The following TECTA variants were observed in gnomAD, a reference collection of about 807,000 sequenced individuals.
TECTA encodes alpha-tectorin.
In TECTA, 128 loss-of-function variants were observed where a neutral mutation model predicts 216.8. That is an observed-to-expected ratio of 0.59 (90% confidence interval 0.51 to 0.68). The LOEUF (loss-of-function observed/expected upper bound fraction) is 0.68. TECTA is among the 30% of genes least tolerant of loss of function. The probability of loss-of-function intolerance (pLI) is 0.00; values close to 1 mark genes in which losing one functional copy is unlikely to be tolerated. For missense variants in TECTA, 2,551 were observed against 2,786.2 expected (o/e 0.92, Z 1.90); for synonymous variants, 1,089 against 1,117.1 (o/e 0.97, Z 0.50).
At chr11:121,189,288 T>C (rs1947317960) in intron 22 of TECTA, 121 bp downstream of exon 22, 3 of 896,826 alleles carry the variant, frequency 3.3e-6, no homozygotes, top group Non-Finnish European at 1.8e-6. Flanking sequence ...GGACACCGGT[T>C]TGAGAACATC....
chr11:121,181,563 G>A (rs11501154), intron 20 of TECTA, among the ~76,000 whole-genome samples: 139 of 152,102 alleles, frequency 9.1e-4, no homozygotes, highest in Middle Eastern at 3.4e-3. Context: ...TCTGCCTCCC[G>A]GGTTCAAGTG....
chr11:121,134,353 A>ACACACACACACACACG (rs1356275129), intron 10 of TECTA, among the ~76,000 whole-genome samples: 2 of 152,074 alleles, frequency 1.3e-5, no homozygotes, highest in African/African-American at 4.8e-5. Flanking sequence ...ACACACGCAC[A>ACACACACACACACACG]CACTTCTTTT....
intron 7 of TECTA, among the ~76,000 whole-genome samples, chr11:121,118,993 GCACA>G (rs3222344): frequency 3.6e-5 from 2 of 56,018 alleles, no homozygotes; most frequent in South Asian, 6.1e-4. Flanking sequence ...ACACTGATAG[GCACA>G]CACACACACA....
chr11:121,106,591 G>A (rs182686428), intron 3 of TECTA, among the ~76,000 whole-genome samples: 35 of 152,220 alleles, frequency 2.3e-4, no homozygotes, highest in Admixed American at 1.5e-3. Context: ...TGCTGCTAGC[G>A]AAACTGTGGC....
Position 121,137,671 on chromosome 11 carries a change from T to A in TECTA, c.3192T>A (p.Ser1064Arg). 4 of 1,614,004 alleles carry A rather than the reference T, an allele frequency of 2.5e-6. No homozygotes were observed. The highest frequency in any genetic ancestry group is 3.4e-6 in the Non-Finnish European group (4 of 1,180,008). Residue 1064 changes from serine to arginine, a missense_variant, in exon 11 of 24, where the codon AGT (serine) becomes AGA (arginine). Physicochemically the swap from Ser to Arg is moderately radical, Grantham distance 110. This residue lies in a region of TECTA where 2,375 missense variants were observed against 2,563.9 expected (regional missense o/e 0.93). Coordinates refer to ENST00000392793, the MANE Select transcript of TECTA (RefSeq NM_005422.4). ...ACTGCCAGATCTTCTGCTATTGCAG[T>A]GGCACAGACAACAGGGTCCACTGCG... The part of the protein sequence containing the change: ...DLDCQIFCYC[S>R]GTDNRVHCET...
At position 121,102,566 on chromosome 11, in the gene TECTA, G is replaced by A. The variant is rs182366284; in HGVS notation, c.-1-99G>A. On this transcript the variant is annotated intron_variant, in intron 1 of 23. Transcript: ENST00000392793. ...TTGTTATGTGAATTTGTTCTATGAC[G>A]GTTTTGATGGTCTTGGGATTAGCCA... The A allele has an allele frequency of 2.5e-5, 22 of 887,270 alleles. 1 individual carries two copies. Among genetic ancestry groups the A allele is most frequent in the African/African-American group, 9.9e-5 (6 of 60,568 alleles). The allele number at this position is 887,270 out of a possible 1,614,324, so 55.0% of individuals were successfully genotyped here. A position where few individuals can be genotyped will look rare whatever the true frequency, so the allele number is the denominator to read the frequency against.
At chr11:121,102,837 C>A in intron 2 of TECTA, 108 bp downstream of exon 2, 2 of 904,472 alleles carry the variant, frequency 2.2e-6, no homozygotes, top group Admixed American at 2.0e-5. Flanking sequence ...TGTGTGTCTA[C>A]AGATACAAGA....
At chr11:121,190,453 T>C (rs1331647699) in intron 23 of TECTA, among the ~76,000 whole-genome samples, 1 of 152,130 alleles carries the variant, frequency 6.6e-6, no homozygotes, top group African/African-American at 2.4e-5. Context: ...TTAGTAGAGA[T>C]GGGGTTTCAC....
At position 121,190,782 on chromosome 11, in the gene TECTA, C is replaced by A. The variant is rs752301844; in HGVS notation, c.6444C>A (p.Val2148=). ...IMIQISLWHF[V]YKSGTTS ...TCCAGATTTCATTATGGCATTTTGT[C>A]TATAAATCAGGCACGACCTCATAAT... The change falls in exon 24 of 24, where the codon GTC becomes GTA. Residue 2148 remains valine, a synonymous_variant. Coordinates refer to ENST00000392793, the MANE Select transcript of TECTA (RefSeq NM_005422.4). The A allele has an allele frequency of 1.5e-5, 24 of 1,613,308 alleles. No homozygotes were observed. Among genetic ancestry groups the A allele is most frequent in the Non-Finnish European group, 1.9e-5 (23 of 1,179,682 alleles).
At chr11:121,112,790 G>A (rs1284115905) in intron 4 of TECTA, among the ~76,000 whole-genome samples, 1 of 152,346 alleles carries the variant, frequency 6.6e-6, no homozygotes, top group South Asian at 2.1e-4. Flanking sequence ...CCGGGCCTCT[G>A]AATTTTCTGT....
At chr11:121,178,516 T>TAGTGTGTG (rs1947192431) in intron 20 of TECTA, among the ~76,000 whole-genome samples, 2 of 59,990 alleles carry the variant, frequency 3.3e-5, no homozygotes, top group African/African-American at 1.3e-4. Flanking sequence ...GGCTTGTAGT[T>TAGTGTGTG]AGTGTGTGTG....
chr11:121,130,200 A>G lies in TECTA; in HGVS notation c.2930A>G (p.Tyr977Cys). 4 of 1,600,492 alleles carry G rather than the reference A, an allele frequency of 2.5e-6. No homozygotes were observed. The highest frequency in any genetic ancestry group is 1.1e-5 in the South Asian group (1 of 91,062). ...GTGGAGGTGGGGCCCTGGCGGACCT[A>G]TGACTTCTGCCGTAAGTTGGGGTTG... ...ADVEVGPWRT[Y>C]DFCPLECPEN... Residue 977 changes from tyrosine (Y) to cysteine (C), a missense_variant, in exon 10 of 24, where the codon TAT becomes TGT. By Grantham distance (194) the Tyr-to-Cys change is radical. Transcript: ENST00000392793.
At chr11:121,137,351 C>G (rs1230059551) in intron 10 of TECTA, 70 bp from the exon 11 acceptor site, 9 of 1,591,932 alleles carry the variant, frequency 5.7e-6, no homozygotes, top group Middle Eastern at 1.7e-4. Flanking sequence ...TACACACATG[C>G]ATGCACGCAC....
Position 121,157,872 on chromosome 11 carries a change from C to T in TECTA, c.4337C>T (p.Thr1446Met). The T allele has an allele frequency of 6.2e-7, 1 of 1,614,220 alleles. No homozygotes were observed. Among genetic ancestry groups the T allele is most frequent in the Non-Finnish European group, 8.5e-7 (1 of 1,180,046 alleles). ...PKQLFWNSDC[T>M]RRCRCFRRNV... ...CAGCTATTTTGGAACAGCGACTGCA[C>T]GCGGCGCTGCCGCTGTTTCCGTCGC... The change falls in exon 14 of 24, where the codon ACG becomes ATG. Residue 1446 changes from threonine to methionine, a missense_variant. By Grantham distance (81) the Thr-to-Met change is moderately conservative. Coordinates refer to ENST00000392793, the MANE Select transcript of TECTA (RefSeq NM_005422.4).
intron 20 of TECTA, among the ~76,000 whole-genome samples, chr11:121,173,322 G>T (rs1350893076): frequency 4.0e-5 from 6 of 150,004 alleles, no homozygotes; most frequent in Admixed American, 2.0e-4. Flanking sequence ...TATGGTTTTA[G>T]GTCTAATGTT....
chr11:121,149,171 G>A (rs959913442), intron 12 of TECTA, among the ~76,000 whole-genome samples: 10 of 152,190 alleles, frequency 6.6e-5, no homozygotes, highest in Non-Finnish European at 1.3e-4. Flanking sequence ...ACTTTCCCCA[G>A]GAAGGTGGCC....
intron 11 of TECTA, among the ~76,000 whole-genome samples, chr11:121,143,982 A>G (rs895029796): frequency 5.3e-5 from 8 of 152,192 alleles, no homozygotes; most frequent in African/African-American, 1.9e-4. Context: ...AGTGGTTCCC[A>G]TGGGGCCAAG....
intron 4 of TECTA, among the ~76,000 whole-genome samples, chr11:121,112,148 G>T (rs190171508): frequency 6.6e-6 from 1 of 152,202 alleles, no homozygotes; most frequent in African/African-American, 2.4e-5. Flanking sequence ...ATGTGACAAG[G>T]GGTGAGGATT....
Position 121,158,167 on chromosome 11 carries a change from C to T in TECTA, c.4632C>T (p.Pro1544=), listed in dbSNP as rs1388353926. ...WSAPNLTIIS[P]VYFYINEEQI... ...CCCCCAACCTCACCATCATTTCGCC[C>T]GTCTACTTCTACATTAACGAAGAGC... The change falls in exon 14 of 24, where the codon CCC becomes CCT. Residue 1544 remains proline, a synonymous_variant. Transcript: ENST00000392793. The T allele has an allele frequency of 1.9e-6, 3 of 1,614,102 alleles. No homozygotes were observed. The highest frequency in any genetic ancestry group is 3.3e-5 in the Admixed American group (2 of 60,030).
Sources: allele counts gnomAD v4.1 joint callset (sites outside exome capture counted in the v4.1 genomes callset), GRCh38; gene constraint gnomAD v4.1.1; regional missense constraint gnomAD v4.1.1; transcripts MANE v1.5; gene names NCBI Gene and HGNC (gene_info 2026-07-23, HGNC 2026-07-21).